PEBP4: variants seen among roughly 807,000 people sequenced by gnomAD.
PEBP4 encodes phosphatidylethanolamine binding protein 4.
In PEBP4, 22 loss-of-function variants were observed where a neutral mutation model predicts 23.9. The observed-to-expected ratio is 0.92, with a 90% CI of 0.66 to 1.31. The LOEUF (loss-of-function observed/expected upper bound fraction) is 1.31. PEBP4 is among the 40% of genes most tolerant of loss of function. The probability of loss-of-function intolerance (pLI) is 0.00; values close to 1 mark genes in which losing one functional copy is unlikely to be tolerated. For missense variants in PEBP4, 324 were observed against 281.7 expected (o/e 1.15, Z -1.07); for synonymous variants, 112 against 99.3 (o/e 1.13, Z -0.76).
intron 4 of PEBP4, among the ~76,000 whole-genome samples, chr8:22,806,676 T>C (rs1034460017): frequency 8.6e-5 from 13 of 151,292 alleles, no homozygotes; most frequent in Non-Finnish European, 1.9e-4. Context: ...TCTTGCAGCA[T>C]GTCACCAGGG....
intron 6 of PEBP4, among the ~76,000 whole-genome samples, chr8:22,722,245 G>T (rs1419174437): frequency 6.6e-6 from 1 of 151,912 alleles, no homozygotes; most frequent in African/African-American, 2.4e-5. Context: ...CAAGGATTCA[G>T]ATCTCCTCCT....
chr8:22,934,895 G>A (rs1809513616), intron 1 of PEBP4, among the ~76,000 whole-genome samples: 1 of 152,090 alleles, frequency 6.6e-6, no homozygotes, highest in African/African-American at 2.4e-5. Flanking sequence ...TAGCTCTAAG[G>A]ACACAAATAG....
At chr8:22,918,853 G>A (rs1040124973) in intron 3 of PEBP4, among the ~76,000 whole-genome samples, 1 of 152,186 alleles carries the variant, frequency 6.6e-6, no homozygotes, top group African/African-American at 2.4e-5. Context: ...CTGTCCACAG[G>A]TGTGCCCAGT....
At chr8:22,715,015 C>T (rs1025653795) in intron 6 of PEBP4, among the ~76,000 whole-genome samples, 2 of 152,254 alleles carry the variant, frequency 1.3e-5, no homozygotes, top group African/African-American at 4.8e-5. Flanking sequence ...GAGGACTGTT[C>T]CCATTCCCAG....
At chr8:22,753,266 C>A (rs943073426) in intron 4 of PEBP4, among the ~76,000 whole-genome samples, 1 of 152,144 alleles carries the variant, frequency 6.6e-6, no homozygotes, top group African/African-American at 2.4e-5. Context: ...AATAGATGCT[C>A]CCTGCTCAGG....
At chr8:22,767,211 G>C (rs1563209824) in intron 4 of PEBP4, among the ~76,000 whole-genome samples, 1 of 152,214 alleles carries the variant, frequency 6.6e-6, no homozygotes, top group Non-Finnish European at 1.5e-5. Context: ...GATATTTTGG[G>C]GGCAGGAAAT....
chr8:22,907,766 G>A (rs1171773718), intron 3 of PEBP4, among the ~76,000 whole-genome samples: 1 of 152,182 alleles, frequency 6.6e-6, no homozygotes, highest in African/African-American at 2.4e-5. Context: ...CTGCCTGGCT[G>A]AGAGTATGCT....
chr8:22,832,272 A>C (rs1807101690), intron 3 of PEBP4, among the ~76,000 whole-genome samples: 1 of 152,134 alleles, frequency 6.6e-6, no homozygotes, highest in Non-Finnish European at 1.5e-5. Context: ...TCTGGGAGGT[A>C]GTGATGAGGG....
intron 5 of PEBP4, among the ~76,000 whole-genome samples, chr8:22,725,997 A>ACATGTG (rs1554478527): frequency 1.0e-4 from 8 of 79,844 alleles, no homozygotes; most frequent in African/African-American, 2.7e-4. Context: ...CAGATCAGAT[A>ACATGTG]TATGTGTGTG....
intron 4 of PEBP4, among the ~76,000 whole-genome samples, chr8:22,783,167 C>G (rs985801200): frequency 6.6e-6 from 1 of 152,258 alleles, no homozygotes; most frequent in African/African-American, 2.4e-5. Context: ...CTTCTTAGGG[C>G]TCTGTCTCCC....
rs373369355 is a variant in PEBP4, at chr8:22,841,291, G to C, written c.259-23556C>G. 2.0e-4 allele frequency among the ~76,000 whole-genome samples: 31 copies of C among 152,378 alleles called. No homozygotes were observed. In the East Asian group the frequency reaches 5.8e-3, roughly 28 times the overall value. On this transcript the variant is annotated intron_variant, in intron 3 of 6. Coordinates refer to ENST00000256404, the MANE Select transcript of PEBP4 (RefSeq NM_144962.3). ...TTGAGGGGGTGGAAGCAGGATTTCT[G>C]TAAAGTACAATCATTCCTACTTCAT...
chr8:22,797,253 CAAAAAA>C (rs57749113), intron 4 of PEBP4, among the ~76,000 whole-genome samples: 3 of 114,396 alleles, frequency 2.6e-5, no homozygotes, highest in Non-Finnish European at 3.7e-5. Flanking sequence ...AACTCTGTCT[CAAAAAA>C]AAAAAAAAAA....
At chr8:22,835,101 G>A (rs185963558) in intron 3 of PEBP4, among the ~76,000 whole-genome samples, 2 of 152,312 alleles carry the variant, frequency 1.3e-5, no homozygotes, top group East Asian at 1.9e-4. Flanking sequence ...AGTAAATGCT[G>A]GGGTACGTGG....
chr8:22,727,977 C>G (rs1002279121), intron 4 of PEBP4, among the ~76,000 whole-genome samples: 1 of 152,128 alleles, frequency 6.6e-6, no homozygotes, highest in Non-Finnish European at 1.5e-5. Context: ...AGACTGGAGC[C>G]GGGCCCCTGG....
At chr8:22,830,111 T>C (rs961283454) in intron 3 of PEBP4, among the ~76,000 whole-genome samples, 5 of 110,558 alleles carry the variant, frequency 4.5e-5, no homozygotes, top group Non-Finnish European at 7.2e-5. Context: ...TAGGCTGTGG[T>C]TTTGTGTGTG....
chr8:22,724,079 T>C (rs1253258055), intron 6 of PEBP4, among the ~76,000 whole-genome samples: 5 of 152,186 alleles, frequency 3.3e-5, no homozygotes, highest in African/African-American at 4.8e-5. Flanking sequence ...TTCCCTAAAA[T>C]TGGGGAGCTG....
At chr8:22,739,501 G>T (rs1381724272) in intron 4 of PEBP4, among the ~76,000 whole-genome samples, 3 of 152,148 alleles carry the variant, frequency 2.0e-5, no homozygotes, top group African/African-American at 7.2e-5. Context: ...ACACTGGGAG[G>T]AAGTGACCTG....
intron 6 of PEBP4, among the ~76,000 whole-genome samples, chr8:22,716,465 G>A (rs1483750128): frequency 6.6e-6 from 1 of 152,190 alleles, no homozygotes; most frequent in Non-Finnish European, 1.5e-5. Flanking sequence ...AGGCTCTAGG[G>A]GGGAAAGATG....
intron 4 of PEBP4, among the ~76,000 whole-genome samples, chr8:22,810,256 A>G (rs547355889): frequency 6.6e-6 from 1 of 152,310 alleles, no homozygotes; most frequent in African/African-American, 2.4e-5. Flanking sequence ...GAACCTGACC[A>G]TTCAGGTTGC....
Sources: allele counts gnomAD v4.1 joint callset (sites outside exome capture counted in the v4.1 genomes callset), GRCh38; gene constraint gnomAD v4.1.1; transcripts MANE v1.5; gene names NCBI Gene and HGNC (gene_info 2026-07-23, HGNC 2026-07-21).